Variants in RGS7 observed in about 807,000 individuals in gnomAD.
RGS7 encodes the protein regulator of G protein signaling 7.
Under a neutral mutation model 81.1 loss-of-function variants are expected in RGS7, and 27 were observed. The observed-to-expected ratio is 0.33, with a 90% CI of 0.25 to 0.46. The LOEUF (loss-of-function observed/expected upper bound fraction) is 0.46, where lower values mean the gene tolerates loss of function less well. RGS7 is among the 20% of genes least tolerant of loss of function. RGS7 has a pLI of 1.00. For synonymous variants in RGS7, 208 were observed against 207.7 expected, an observed-to-expected ratio of 1.00 and a Z score of -0.01; for missense variants, 396 against 607.4, an observed-to-expected ratio of 0.65 and a Z score of 3.66.
intron 4 of RGS7, among the ~76,000 whole-genome samples, chr1:240,953,521 C>A (rs1679891254): frequency 6.6e-6 from 1 of 151,818 alleles, no homozygotes; most frequent in Non-Finnish European, 1.5e-5. Context: ...TAAAGAGAAA[C>A]TGAAAATTAT....
intron 6 of RGS7, among the ~76,000 whole-genome samples, chr1:240,885,802 A>G (rs1667252664): frequency 6.6e-6 from 1 of 152,154 alleles, no homozygotes; most frequent in South Asian, 2.1e-4. Flanking sequence ...ATTGGGTACC[A>G]GGCTTAATAC....
chr1:240,793,612 T>TATATATATATATATATA (rs11270798), intron 18 of RGS7, among the ~76,000 whole-genome samples: 13 of 28,580 alleles, frequency 4.5e-4, no homozygotes, highest in African/African-American at 9.2e-4. Context: ...TATATATATA[T>TATATATATATATATATA]TTTTTTTTTT....
intron 2 of RGS7, among the ~76,000 whole-genome samples, chr1:241,232,380 T>G (rs560931507): frequency 6.6e-6 from 1 of 150,836 alleles, no homozygotes; most frequent in Non-Finnish European, 1.5e-5. Flanking sequence ...ATACATATAT[T>G]TTTTTTTGGA....
chr1:241,055,986 ATTTG>A (rs112844699), intron 3 of RGS7, among the ~76,000 whole-genome samples: 13 of 152,336 alleles, frequency 8.5e-5, no homozygotes, highest in African/African-American at 3.1e-4. Flanking sequence ...CTATGTGTGT[ATTTG>A]TTTGCAACAC....
Position 241,135,477 on chromosome 1 carries a change from C to T in RGS7, c.79-36715G>A, listed in dbSNP as rs1284800742. ...AGCAGCATGTTGCTCCACACGGCCT[C>T]GTGTTGTCTGTTGGCGTGCTCTTGG... On this transcript the variant is annotated intron_variant, in intron 2 of 18. Transcript: ENST00000440928. Among the ~76,000 whole-genome samples the T allele has an allele frequency of 2.0e-5, 3 of 152,234 alleles. 1 individual carries two copies. Among genetic ancestry groups the T allele is most frequent in the South Asian group, 4.1e-4 (2 of 4,820 alleles).
chr1:241,027,867 T>G (rs2059871368), intron 3 of RGS7, among the ~76,000 whole-genome samples: 1 of 152,202 alleles, frequency 6.6e-6, no homozygotes, highest in African/African-American at 2.4e-5. Flanking sequence ...ATAGAAATAC[T>G]GAAGTAACTA....
Position 241,078,250 on chromosome 1 carries a change from T to C in RGS7, c.175+20416A>G, listed in dbSNP as rs1053078096. On this transcript the variant is annotated intron_variant, in intron 3 of 18. Transcript: ENST00000440928. ...CCATGGAAATATAGATAATATACAATATATATAAAAACATATAACATATTT... is the reference window on the plus strand; with the variant it reads ...CCATGGAAATATAGATAATATACAACATATATAAAAACATATAACATATTT... 3.4e-5 allele frequency among the ~76,000 whole-genome samples: 5 copies of C among 148,758 alleles called. No individual in the cohort carries two copies. In the South Asian group the frequency reaches 8.4e-4, roughly 25 times the overall value.
Position 241,312,367 on chromosome 1 carries a change from TAAACTG to T in RGS7, c.78+43326_78+43331del, listed in dbSNP as rs908248812. ...CACTTTGTAGATATTGCATTTTTTA[TAAACTG>T]AAAGTTTGTGACAACTCCGCACTGA... is the stretch of plus-strand genomic sequence containing the variant. On this transcript the variant is annotated intron_variant, in intron 2 of 18. Coordinates refer to ENST00000440928, the MANE Select transcript of RGS7 (RefSeq NM_001364886.1). Among the ~76,000 whole-genome samples, 157 of 152,340 alleles carry T rather than the reference TAAACTG, an allele frequency of 1.0e-3. 1 individual carries two copies. The highest frequency in any genetic ancestry group is 3.0e-3 in the African/African-American group (124 of 41,590).
At chr1:240,782,679 C>T (rs1449075099) in intron 18 of RGS7, among the ~76,000 whole-genome samples, 1 of 152,156 alleles carries the variant, frequency 6.6e-6, no homozygotes, top group Non-Finnish European at 1.5e-5. Context: ...AGCTCAGTCT[C>T]CCAAAGTGCT....
At chr1:241,187,916 T>C (rs2072270022) in intron 2 of RGS7, among the ~76,000 whole-genome samples, 1 of 152,028 alleles carries the variant, frequency 6.6e-6, no homozygotes, top group African/African-American at 2.4e-5. Context: ...TGCAACATTA[T>C]CTGAAAATAA....
intron 2 of RGS7, among the ~76,000 whole-genome samples, chr1:241,126,860 A>T (rs2066700451): frequency 6.6e-6 from 1 of 151,786 alleles, no homozygotes. Flanking sequence ...ATAGAAACCA[A>T]CCTTGTAGAG....
intron 3 of RGS7, among the ~76,000 whole-genome samples, chr1:240,990,690 T>A (rs1041507752): frequency 3.3e-5 from 5 of 152,224 alleles, no homozygotes; most frequent in Non-Finnish European, 5.9e-5. Flanking sequence ...GCTCACAGTT[T>A]GAAACTGGAT....
In RGS7 at chr1:240,870,107, C is replaced by A; in HGVS notation, c.398G>T (p.Cys133Phe). Residue 133 changes from cysteine (C) to phenylalanine (F), a missense_variant, in exon 7 of 19, where the codon TGC becomes TTC. By Grantham distance (205) the Cys-to-Phe change is radical. Transcript: ENST00000440928. Reference sequence around the variant, plus strand: ...TGCCTTGTTTTGCATTGTTCTCTTGCAGAGGTAAACGGCTGAAAAAAAAAT... The same window carrying A: ...TGCCTTGTTTTGCATTGTTCTCTTGAAGAGGTAAACGGCTGAAAAAAAAAT... ...PENTDYAVYL[C>F]KRTMQNKARL... 1 of 1,613,876 alleles carries A rather than the reference C, an allele frequency of 6.2e-7. No homozygotes were observed. Among genetic ancestry groups the A allele is most frequent in the Non-Finnish European group, 8.5e-7 (1 of 1,179,904 alleles).
intron 2 of RGS7, among the ~76,000 whole-genome samples, chr1:241,162,195 A>G (rs547327730): frequency 6.7e-6 from 1 of 149,066 alleles, no homozygotes; most frequent in Middle Eastern, 3.5e-3. Flanking sequence ...CTCCCAATAG[A>G]TATAAAACAC....
At chr1:240,922,274 A>C (rs1256264240) in intron 6 of RGS7, among the ~76,000 whole-genome samples, 1 of 152,118 alleles carries the variant, frequency 6.6e-6, no homozygotes, top group Admixed American at 6.5e-5. Flanking sequence ...TAAAACCTTT[A>C]GAATATAACA....
At position 241,220,967 on chromosome 1, in the gene RGS7, AAGGAAGGAAGGAAGGAAGGAAGG is replaced by A. The variant is rs1389429147; in HGVS notation, c.79-122228_79-122206del. Among the ~76,000 whole-genome samples the A allele has an allele frequency of 1.4e-3, 74 of 51,930 alleles. 1 individual carries two copies. Among genetic ancestry groups the A allele is most frequent in the Non-Finnish European group, 7.7e-4 (16 of 20,688 alleles). 34.1% of individuals were successfully genotyped at this position (51,930 alleles called of 152,430 possible). On this transcript the variant is annotated intron_variant, in intron 2 of 18. Coordinates refer to ENST00000440928, the MANE Select transcript of RGS7 (RefSeq NM_001364886.1). ...GGAAGAAGCAAGGAAGGAAGGAAGGAAGGAAGGAAGGAAGGAAGGAAGGAAGGAAGAGAGAGAGAAAGGAAGGA... is the reference window on the plus strand; with the variant it reads ...GGAAGAAGCAAGGAAGGAAGGAAGGAAAGGAAGAGAGAGAGAAAGGAAGGA...
chr1:241,327,105 A>AGAAAGAAAGAAAGAAAG (rs2081606002), intron 2 of RGS7, among the ~76,000 whole-genome samples: 3 of 99,344 alleles, frequency 3.0e-5, no homozygotes, highest in Non-Finnish European at 6.5e-5. Context: ...AAAGAAAGAA[A>AGAAAGAAAGAAAGAAAG]GAAAGAAAGA....
At chr1:241,302,719 G>A (rs2079847889) in intron 2 of RGS7, among the ~76,000 whole-genome samples, 1 of 152,102 alleles carries the variant, frequency 6.6e-6, no homozygotes, top group Non-Finnish European at 1.5e-5. Flanking sequence ...GTATGATTCA[G>A]TCTCAAAATT....
At chr1:241,273,932 G>A (rs2148361111) in intron 2 of RGS7, among the ~76,000 whole-genome samples, 2 of 152,236 alleles carry the variant, frequency 1.3e-5, no homozygotes, top group Admixed American at 1.3e-4. Flanking sequence ...AGCTCCTTGA[G>A]ATTCTAATCC....
Sources: gnomAD v4.1 joint callset for allele counts (sites outside exome capture counted in the v4.1 genomes callset) on GRCh38, gnomAD v4.1.1 for gene constraint, MANE v1.5 for transcripts, NCBI Gene and HGNC (gene_info 2026-07-23, HGNC 2026-07-21) for gene names.